KLHL2: variants seen among roughly 807,000 people sequenced by gnomAD.
KLHL2 encodes kelch-like protein 2.
Under a neutral mutation model 75.8 loss-of-function variants are expected in KLHL2, and 15 were observed. That is an observed-to-expected ratio of 0.20 (90% CI 0.13 to 0.30). The LOEUF (loss-of-function observed/expected upper bound fraction) is 0.30, where lower values mean the gene tolerates loss of function less well. KLHL2 is among the 10% of genes least tolerant of loss of function. The pLI, the probability that KLHL2 is intolerant of heterozygous loss-of-function variation, is 1.00. For missense variants in KLHL2, 381 were observed against 741.0 expected (o/e 0.51, Z 5.64); for synonymous variants, 214 against 251.9 (o/e 0.85, Z 1.42).
intron 5 of KLHL2, among the ~76,000 whole-genome samples, chr4:165,280,395 T>G (rs970653344): frequency 2.0e-5 from 3 of 152,226 alleles, no homozygotes; most frequent in Non-Finnish European, 4.4e-5. Context: ...TTGCCCACCT[T>G]TCTGTAATTT....
intron 2 of KLHL2, among the ~76,000 whole-genome samples, chr4:165,222,772 C>T (rs1467262745): frequency 2.6e-5 from 4 of 152,142 alleles, no homozygotes; most frequent in East Asian, 1.9e-4. Context: ...TCCTCTTGCC[C>T]AGAAAGGGTA....
At chr4:165,292,127 CT>C (rs1744562167) in intron 5 of KLHL2, among the ~76,000 whole-genome samples, 1 of 152,158 alleles carries the variant, frequency 6.6e-6, no homozygotes, top group Non-Finnish European at 1.5e-5. Flanking sequence ...TTGGTTGAAT[CT>C]GCAGATGTAG....
At position 165,319,291 on chromosome 4, in the gene KLHL2, G is replaced by A. The variant is rs117330769; in HGVS notation, c.1753+1322G>A. Among the ~76,000 whole-genome samples, 741 of 152,210 alleles carry A rather than the reference G, an allele frequency of 4.9e-3. 6 individuals are homozygous for A. The highest frequency in any genetic ancestry group is 0.033 in the East Asian group (171 of 5,172). On this transcript the variant is annotated intron_variant, in intron 14 of 14. Transcript: ENST00000226725. The surrounding 1 kb of genome is among the most constrained non-coding windows in gnomAD (Gnocchi z 4.5). ...ATGGTTCTGCCTTATTTTTCATCATGTTTACTGCAATATCATAAACCTTGA... is the reference window on the plus strand; with the variant it reads ...ATGGTTCTGCCTTATTTTTCATCATATTTACTGCAATATCATAAACCTTGA...
chr4:165,304,223 T>C lies in KLHL2; in HGVS notation c.922-1385T>C, dbSNP rs1274279545. Reference sequence around the variant, plus strand: ...TGAAAAAAATTATGTAGTTGGTTTATGTTCAGTCTTCTTTTAAGACTTTTA... The same window carrying C: ...TGAAAAAAATTATGTAGTTGGTTTACGTTCAGTCTTCTTTTAAGACTTTTA... On this transcript the variant is annotated intron_variant, in intron 8 of 14. Coordinates refer to ENST00000226725, the MANE Select transcript of KLHL2 (RefSeq NM_007246.4). Among the ~76,000 whole-genome samples, 5 of 152,248 alleles carry C rather than the reference T, an allele frequency of 3.3e-5. No homozygotes were observed. The East Asian group carries it at 9.6e-4, about 29-fold the overall frequency.
chr4:165,288,747 A>G (rs1744280166), intron 5 of KLHL2, among the ~76,000 whole-genome samples: 1 of 152,058 alleles, frequency 6.6e-6, no homozygotes, highest in African/African-American at 2.4e-5. Flanking sequence ...TGAGATTTCA[A>G]AATTGCTCTC....
intron 1 of KLHL2, among the ~76,000 whole-genome samples, chr4:165,218,170 C>T (rs1473450173): frequency 3.9e-5 from 6 of 152,092 alleles, no homozygotes; most frequent in Admixed American, 6.6e-5. Context: ...ATCTTTGACC[C>T]GTGTAGAGTG....
intron 2 of KLHL2, among the ~76,000 whole-genome samples, chr4:165,221,097 TTTC>T (rs1470361674): frequency 6.6e-6 from 1 of 152,230 alleles, no homozygotes; most frequent in Non-Finnish European, 1.5e-5. Context: ...CATTTGTTTG[TTTC>T]TTCTTTAATT....
At chr4:165,214,608 C>T (rs1208179140) in intron 1 of KLHL2, among the ~76,000 whole-genome samples, 2 of 152,170 alleles carry the variant, frequency 1.3e-5, no homozygotes, top group Non-Finnish European at 1.5e-5. Flanking sequence ...ACCTCCTCCT[C>T]CTGCCAATGC....
At chr4:165,250,079 A>AC (rs1412920554) in intron 4 of KLHL2, among the ~76,000 whole-genome samples, 1 of 150,134 alleles carries the variant, frequency 6.7e-6, no homozygotes, top group Non-Finnish European at 1.5e-5. Flanking sequence ...AGCCGAGATC[A>AC]CCCCACTGCA....
chr4:165,287,215 C>T (rs1360161737), intron 5 of KLHL2, among the ~76,000 whole-genome samples: 1 of 152,094 alleles, frequency 6.6e-6, no homozygotes, highest in Non-Finnish European at 1.5e-5. Flanking sequence ...AAATTTGACT[C>T]CTTTAGATAC....
chr4:165,270,552 T>G (rs1457073799), intron 5 of KLHL2, among the ~76,000 whole-genome samples: 1 of 152,190 alleles, frequency 6.6e-6, no homozygotes, highest in East Asian at 1.9e-4. Flanking sequence ...CCTTTCTGTT[T>G]GTTAGTTTTT....
chr4:165,292,114 C>T (rs369355911), intron 5 of KLHL2, among the ~76,000 whole-genome samples: 5 of 152,018 alleles, frequency 3.3e-5, no homozygotes, highest in African/African-American at 9.7e-5. Context: ...GTTGAACCAC[C>T]GGTTGGTTGA....
chr4:165,235,716 A>G (rs533033149), intron 3 of KLHL2, among the ~76,000 whole-genome samples: 114 of 151,934 alleles, frequency 7.5e-4, no homozygotes, highest in African/African-American at 2.5e-3. Context: ...GAGGTACCCA[A>G]CTGTACCTAA....
chr4:165,299,955 C>T (rs1030381124), intron 8 of KLHL2, among the ~76,000 whole-genome samples: 2 of 152,078 alleles, frequency 1.3e-5, no homozygotes, highest in African/African-American at 4.8e-5. Context: ...TAGTAGAAAG[C>T]TCTAATTATA....
chr4:165,276,510 C>CTT (rs929015696), intron 5 of KLHL2, among the ~76,000 whole-genome samples: 13 of 146,702 alleles, frequency 8.9e-5, no homozygotes, highest in Non-Finnish European at 1.2e-4. Context: ...ATCAGCCTAA[C>CTT]TTTTTTTTTT....
chr4:165,213,867 C>T (rs1737363554), intron 1 of KLHL2, among the ~76,000 whole-genome samples: 1 of 152,182 alleles, frequency 6.6e-6, no homozygotes, highest in Non-Finnish European at 1.5e-5. Flanking sequence ...CAGTTTAGAT[C>T]CTGAATTCAA....
chr4:165,300,840 G>C (rs1745299258), intron 8 of KLHL2, among the ~76,000 whole-genome samples: 1 of 152,084 alleles, frequency 6.6e-6, no homozygotes, highest in South Asian at 2.1e-4. Flanking sequence ...TTATTACTCT[G>C]TCCTTTCCAT....
chr4:165,309,089 A>G (rs1186192305), intron 9 of KLHL2, among the ~76,000 whole-genome samples: 1 of 152,238 alleles, frequency 6.6e-6, no homozygotes, highest in African/African-American at 2.4e-5. Flanking sequence ...GGATTCAGAG[A>G]ACTGTGAGCC....
chr4:165,302,622 C>T (rs1330461387), intron 8 of KLHL2, among the ~76,000 whole-genome samples: 1 of 151,806 alleles, frequency 6.6e-6, no homozygotes, highest in African/African-American at 2.4e-5. Context: ...TGTTTTGCTT[C>T]TTTTGTATTT....
Sources: allele counts gnomAD v4.1 joint callset (sites outside exome capture counted in the v4.1 genomes callset), GRCh38; gene constraint gnomAD v4.1.1; non-coding constraint Gnocchi (gnomAD v3.1); transcripts MANE v1.5; gene names NCBI Gene and HGNC (gene_info 2026-07-23, HGNC 2026-07-21).